NHEJ1: variants seen among roughly 807,000 people sequenced by gnomAD.
NHEJ1 encodes the protein non-homologous end joining factor 1, also known as non-homologous end-joining factor 1.
A neutral mutation model predicts 39.4 loss-of-function variants in NHEJ1; 22 were observed. The ratio of observed to expected loss-of-function variants is 0.56; its 90% confidence interval spans 0.40 to 0.80. The LOEUF (loss-of-function observed/expected upper bound fraction) is 0.80, where lower values mean the gene tolerates loss of function less well. Ranked by LOEUF, NHEJ1 falls within the 30% of genes least tolerant of loss-of-function variation. NHEJ1 has a pLI of 0.00. For synonymous variants in NHEJ1, 154 were observed against 135.6 expected, an observed-to-expected ratio of 1.14 and a Z score of -0.94; for missense variants, 329 against 357.1, an observed-to-expected ratio of 0.92 and a Z score of 0.63.
At chr2:219,148,271 C>G (rs1261686464) in intron 3 of NHEJ1, among the ~76,000 whole-genome samples, 1 of 151,940 alleles carries the variant, frequency 6.6e-6, no homozygotes, top group African/African-American at 2.4e-5. Context: ...AAACAAGATC[C>G]CACCAGCTGA....
rs377081101 is a variant in NHEJ1, at chr2:219,137,519, A to G, written c.588+9161T>C. Reference sequence around the variant, plus strand: ...TCCCCACTTGAGAATCACAGCACATAATGACAGTCGTTAACAATTGAACTA... The same window carrying G: ...TCCCCACTTGAGAATCACAGCACATGATGACAGTCGTTAACAATTGAACTA... On this transcript the variant is annotated intron_variant, in intron 5 of 7. Coordinates refer to ENST00000356853, the MANE Select transcript of NHEJ1 (RefSeq NM_024782.3). 7.7e-5 allele frequency among the ~76,000 whole-genome samples: 11 copies of G among 143,282 alleles called. No homozygotes were observed. In the South Asian group the frequency reaches 2.6e-3, roughly 34 times the overall value. 94.0% of individuals were successfully genotyped at this position (143,282 alleles called of 152,430 possible). A position where few individuals can be genotyped will look rare whatever the true frequency, so the allele number is the denominator to read the frequency against.
rs58103413 is a variant in NHEJ1 at position 219,157,991 on chromosome 2, TCACACACACACACACA to T, written c.177+179_177+194del. Among the ~76,000 whole-genome samples, 429 of 99,270 alleles carry T rather than the reference TCACACACACACACACA, an allele frequency of 4.3e-3. 1 individual carries two copies. Among genetic ancestry groups the T allele is most frequent in the African/African-American group, 0.012 (367 of 29,610 alleles). 65.1% of individuals were successfully genotyped at this position (99,270 alleles called of 152,430 possible). On this transcript the variant is annotated intron_variant, in intron 2 of 7. Transcript: ENST00000356853. Reference sequence around the variant, plus strand: ...CTTTCTTTCTCTCTCTCTCTCTCTCTCACACACACACACACACACACACACACACACACACACACAC... The same window carrying T: ...CTTTCTTTCTCTCTCTCTCTCTCTCTCACACACACACACACACACACACAC...
At chr2:219,084,608 C>T (rs1184426165) in intron 5 of NHEJ1, among the ~76,000 whole-genome samples, 1 of 152,200 alleles carries the variant, frequency 6.6e-6, no homozygotes, top group Non-Finnish European at 1.5e-5. Flanking sequence ...AGGTGTGTTA[C>T]TAACCCCTTT....
intron 5 of NHEJ1, among the ~76,000 whole-genome samples, chr2:219,129,848 T>C (rs990236625): frequency 2.0e-5 from 3 of 152,224 alleles, no homozygotes; most frequent in Non-Finnish European, 4.4e-5. Context: ...CCGCCAGGGC[T>C]GCCAGAAAGC....
At chr2:219,086,465 A>G (rs1198090159) in intron 5 of NHEJ1, among the ~76,000 whole-genome samples, 1 of 152,226 alleles carries the variant, frequency 6.6e-6, no homozygotes, top group East Asian at 1.9e-4. Flanking sequence ...TAGTGGTACT[A>G]GAAGCTGGCT....
At position 219,147,642 on chromosome 2, in the gene NHEJ1, A is replaced by T. The variant is rs780359781; in HGVS notation, c.529+15T>A. The T allele has an allele frequency of 6.2e-7, 1 of 1,614,074 alleles. No homozygotes were observed. The highest frequency in any genetic ancestry group is 1.1e-5 in the South Asian group (1 of 91,084). On this transcript the variant is annotated intron_variant, in intron 4 of 7. Coordinates refer to ENST00000356853, the MANE Select transcript of NHEJ1 (RefSeq NM_024782.3). ...TAACACGCCCCACCCAACTCCTCCA[A>T]GAATGTCCTCTTACCTCGAATCAGC...
chr2:219,138,248 A>T (rs1030803586), intron 5 of NHEJ1, among the ~76,000 whole-genome samples: 1 of 152,186 alleles, frequency 6.6e-6, no homozygotes, highest in African/African-American at 2.4e-5. Flanking sequence ...TTGAGGTGTT[A>T]GTCTCTTAAC....
intron 5 of NHEJ1, among the ~76,000 whole-genome samples, chr2:219,115,518 T>C (rs1447154247): frequency 6.6e-6 from 1 of 152,126 alleles, no homozygotes; most frequent in Non-Finnish European, 1.5e-5. Context: ...GTCAAAAATA[T>C]GTATCGATCA....
intron 1 of NHEJ1, chr2:219,158,861 G>A (rs543799503): frequency 6.3e-4 from 115 of 183,178 alleles, no homozygotes; most frequent in Non-Finnish European, 1.6e-4. Flanking sequence ...ACAAAGTTTA[G>A]GAAGCTCTCA....
chr2:219,152,230 A>G (rs1278637644), intron 3 of NHEJ1, among the ~76,000 whole-genome samples: 2 of 152,180 alleles, frequency 1.3e-5, no homozygotes, highest in African/African-American at 4.8e-5. Flanking sequence ...ATATACAAAC[A>G]GGAGTTGCTA....
intron 3 of NHEJ1, among the ~76,000 whole-genome samples, chr2:219,148,893 T>C (rs912497660): frequency 4.6e-5 from 7 of 152,010 alleles, no homozygotes; most frequent in South Asian, 2.1e-4. Flanking sequence ...CCCCCCTTTT[T>C]TTTTTTTGAG....
intron 3 of NHEJ1, among the ~76,000 whole-genome samples, chr2:219,149,610 T>G (rs900464474): frequency 6.6e-6 from 1 of 152,168 alleles, no homozygotes; most frequent in African/African-American, 2.4e-5. Flanking sequence ...AACAAGATCC[T>G]GTCTCAAAAT....
chr2:219,157,058 C>T (rs1949861288), intron 3 of NHEJ1, among the ~76,000 whole-genome samples: 1 of 152,178 alleles, frequency 6.6e-6, no homozygotes, highest in African/African-American at 2.4e-5. Flanking sequence ...AAACTTAGCT[C>T]AGTAACAGTC....
At chr2:219,102,483 G>A (rs1949270865) in intron 5 of NHEJ1, 2 of 152,412 alleles carry the variant, frequency 1.3e-5, no homozygotes, top group South Asian at 4.1e-4. Context: ...GGCTGAGGCA[G>A]GAGGATCGCT....
At chr2:219,126,334 T>C (rs1669049013) in intron 5 of NHEJ1, among the ~76,000 whole-genome samples, 2 of 152,228 alleles carry the variant, frequency 1.3e-5, no homozygotes, top group African/African-American at 4.8e-5. Context: ...CTCGAGGCCG[T>C]TCAATTTCTC....
chr2:219,104,797 A>G (rs1949299688), intron 5 of NHEJ1, among the ~76,000 whole-genome samples: 1 of 152,228 alleles, frequency 6.6e-6, no homozygotes, highest in African/African-American at 2.4e-5. Context: ...AGAAACCCAG[A>G]TGTGGTGAAT....
In NHEJ1 at chr2:219,083,442, C is replaced by T. The variant is rs536656900; in HGVS notation, c.589-5236G>A. Among the ~76,000 whole-genome samples the T allele has an allele frequency of 4.1e-5, 6 of 146,192 alleles. No homozygotes were observed. The East Asian group carries it at 1.2e-3, about 29-fold the overall frequency. On this transcript the variant is annotated intron_variant, in intron 5 of 7. Transcript: ENST00000356853. ...CTCACTCAAAGAGGAAGAAGCAAGG[C>T]TATTCAGGAATTAGAAAAAAAATTA...
intron 5 of NHEJ1, among the ~76,000 whole-genome samples, chr2:219,086,920 C>G (rs1355074259): frequency 6.6e-6 from 1 of 152,158 alleles, no homozygotes; most frequent in African/African-American, 2.4e-5. Flanking sequence ...TAAACTGTCC[C>G]TGGAGCCCCA....
At chr2:219,098,642 G>T (rs1949229761) in intron 5 of NHEJ1, among the ~76,000 whole-genome samples, 1 of 152,098 alleles carries the variant, frequency 6.6e-6, no homozygotes, top group Non-Finnish European at 1.5e-5. Context: ...GAGAGGCAGG[G>T]TCAAGAACTT....
Sources: allele counts gnomAD v4.1 joint callset (sites outside exome capture counted in the v4.1 genomes callset), GRCh38; gene constraint gnomAD v4.1.1; transcripts MANE v1.5; gene names NCBI Gene and HGNC (gene_info 2026-07-23, HGNC 2026-07-21).